Variants in TUBB8B observed in about 807,000 individuals in gnomAD.
TUBB8B encodes the protein HSA18p11 beta-tubulin 4Q pseudogene.
Under a neutral mutation model 31.9 loss-of-function variants are expected in TUBB8B, and 26 were observed. That is an observed-to-expected ratio of 0.81 (90% confidence interval 0.60 to 1.13). TUBB8B has a LOEUF of 1.13. Ranked by LOEUF, TUBB8B falls within the 50% of genes most tolerant of loss-of-function variation. TUBB8B has a pLI of 0.00. For synonymous variants in TUBB8B, 173 were observed against 231.0 expected, an observed-to-expected ratio of 0.75 and a Z score of 2.28; for missense variants, 467 against 586.7, an observed-to-expected ratio of 0.80 and a Z score of 2.11.
chr18:53,559 C>G (rs1377800973), upstream of TUBB8B, among the ~76,000 whole-genome samples: 1 of 151,754 alleles, frequency 6.6e-6, no homozygotes, highest in Non-Finnish European at 1.5e-5. Flanking sequence ...ACCTCTGCCT[C>G]CCGGGTTCAA....
chr18:53,296 T>C (rs1192182183), upstream of TUBB8B, among the ~76,000 whole-genome samples: 2 of 151,896 alleles, frequency 1.3e-5, no homozygotes, highest in African/African-American at 4.8e-5. Context: ...GTGCATTTTA[T>C]TTGATGGCAT....
At chr18:58,577 CAG>C in the TUBB8B span, among the ~76,000 whole-genome samples, 1 of 151,716 alleles carries the variant, frequency 6.6e-6, no homozygotes, top group Non-Finnish European at 1.5e-5. Flanking sequence ...CTTCACCGTC[CAG>C]ATCACTATCA....
chr18:57,619 T>C, the TUBB8B span, among the ~76,000 whole-genome samples: 3 of 151,842 alleles, frequency 2.0e-5, no homozygotes, highest in Admixed American at 6.6e-5. Flanking sequence ...GTGCAAGCTG[T>C]AGCTAGATCT....
chr18:49,827 C>T, upstream of TUBB8B: 2 of 601,784 alleles, frequency 3.3e-6, no homozygotes, highest in Admixed American at 2.1e-5. Context: ...GAACTTCTTC[C>T]CACGTCTTTA....
chr18:51,146 A>T (rs1166532807), upstream of TUBB8B, among the ~76,000 whole-genome samples: 1 of 151,906 alleles, frequency 6.6e-6, no homozygotes, highest in Non-Finnish European at 1.5e-5. Flanking sequence ...TAATAATAGC[A>T]TATCTAGCCC....
the TUBB8B span, among the ~76,000 whole-genome samples, chr18:61,786 C>T: frequency 1.7e-3 from 263 of 151,622 alleles, 7 homozygotes; most frequent in Non-Finnish European, 3.1e-3. Flanking sequence ...TGTTTCTCTT[C>T]CTTCCCTATT....
chr18:63,306 A>C, the TUBB8B span, among the ~76,000 whole-genome samples: 1 of 151,856 alleles, frequency 6.6e-6, no homozygotes, highest in Non-Finnish European at 1.5e-5. Flanking sequence ...AAAGAGACTT[A>C]GGTCCCAAGC....
chr18:65,073 G>A, the TUBB8B span, among the ~76,000 whole-genome samples: 1 of 152,116 alleles, frequency 6.6e-6, no homozygotes, highest in Non-Finnish European at 1.5e-5. Context: ...GGCCAAGGCA[G>A]ACAGATTACC....
At chr18:64,305 C>T in the TUBB8B span, among the ~76,000 whole-genome samples, 1 of 152,188 alleles carries the variant, frequency 6.6e-6, no homozygotes, top group Admixed American at 6.5e-5. Flanking sequence ...CATACCCCTA[C>T]ACATACTGAA....
chr18:73,055 A>G, the TUBB8B span, among the ~76,000 whole-genome samples: 1 of 152,008 alleles, frequency 6.6e-6, no homozygotes, highest in South Asian at 2.1e-4. Flanking sequence ...AGTCCCCAAC[A>G]TCCCCACCGC....
At chr18:64,393 G>A in the TUBB8B span, among the ~76,000 whole-genome samples, 1 of 152,156 alleles carries the variant, frequency 6.6e-6, no homozygotes, top group South Asian at 2.1e-4. Flanking sequence ...TAATACTAAA[G>A]GAAGTGCTAA....
Position 48,280 on chromosome 18 carries a change from T to C in TUBB8B, c.445A>G (p.Thr149Ala). 1 of 1,612,560 alleles carries C rather than the reference T, an allele frequency of 6.2e-7. No homozygotes were observed. The highest frequency in any genetic ancestry group is 8.5e-7 in the Non-Finnish European group (1 of 1,178,892). The stretch of plus-strand genomic sequence containing the variant: ...TCCCGGATCTTACTAATGAGAAGGG[T>C]ACCCATCCCAGACCCAGTCCCCCCA... The part of the protein sequence containing the change: ...LGGGTGSGMG[T>A]LLISKIREEY... Residue 149 changes from threonine to alanine, a missense_variant, in exon 4 of 4, where the codon ACC becomes GCC. By Grantham distance (58) the Thr-to-Ala change is moderately conservative (BLOSUM62 0). This residue lies in a region of TUBB8B where 259 missense variants were observed against 380.1 expected (regional missense o/e 0.68). Coordinates refer to ENST00000308911, the MANE Select transcript of TUBB8B (RefSeq NM_001358689.2).
At chr18:61,241 A>G in the TUBB8B span, among the ~76,000 whole-genome samples, 3 of 151,322 alleles carry the variant, frequency 2.0e-5, no homozygotes, top group African/African-American at 7.3e-5. Context: ...GTTGAAATCT[A>G]TTTTTGTATG....
chr18:55,008 G>A, the TUBB8B span, among the ~76,000 whole-genome samples: 2 of 151,938 alleles, frequency 1.3e-5, no homozygotes, highest in African/African-American at 4.8e-5. Flanking sequence ...CTCTTTAATT[G>A]ATTATATTTT....
upstream of TUBB8B, chr18:50,136 C>A (rs1906017868): frequency 2.9e-6 from 1 of 342,474 alleles, no homozygotes; most frequent in Non-Finnish European, 5.7e-6. Flanking sequence ...AGGATTAGCC[C>A]TTTCACCTTT....
the TUBB8B span, among the ~76,000 whole-genome samples, chr18:73,069 A>G: frequency 6.6e-6 from 1 of 152,018 alleles, no homozygotes; most frequent in East Asian, 1.9e-4. Flanking sequence ...CCACCGCCCG[A>G]CGGCGTCTCC....
At chr18:63,980 C>T in the TUBB8B span, among the ~76,000 whole-genome samples, 3 of 150,374 alleles carry the variant, frequency 2.0e-5, no homozygotes, top group Non-Finnish European at 4.4e-5. Context: ...TAACCCCAAC[C>T]CTTAACTCTT....
upstream of TUBB8B, among the ~76,000 whole-genome samples, chr18:51,434 T>C (rs183425419): frequency 0.041 from 4,489 of 110,640 alleles, no homozygotes; most frequent in African/African-American, 0.093. Context: ...TGAGATCTGA[T>C]GGTTTATTTA....
At chr18:56,360 G>T in the TUBB8B span, among the ~76,000 whole-genome samples, 1 of 151,728 alleles carries the variant, frequency 6.6e-6, no homozygotes, top group African/African-American at 2.4e-5. Flanking sequence ...TGTGAGGAAT[G>T]TCATTGTTAT....
Sources: allele counts gnomAD v4.1 joint callset (sites outside exome capture counted in the v4.1 genomes callset), GRCh38; gene constraint gnomAD v4.1.1; regional missense constraint gnomAD v4.1.1; transcripts MANE v1.5; gene names NCBI Gene and HGNC (gene_info 2026-07-23, HGNC 2026-07-21).